B4GALT5: variants seen among roughly 807,000 people sequenced by gnomAD.
B4GALT5 encodes the protein beta-1,4-galactosyltransferase 5, also known as UDP-Gal:beta-GlcNAc beta-1,4-galactosyltransferase 5.
B4GALT5 carries 11 observed loss-of-function variants against 45.0 expected under a neutral mutation model. The ratio of observed to expected loss-of-function variants is 0.24; its 90% CI spans 0.15 to 0.40. The LOEUF is 0.40. Among genes scored for constraint, B4GALT5 ranks in the 10% least tolerant of loss-of-function variants. The probability of loss-of-function intolerance (pLI) is 1.00; values close to 1 mark genes in which losing one functional copy is unlikely to be tolerated. For missense variants in B4GALT5, 337 were observed against 500.2 expected, an observed-to-expected ratio of 0.67 and a Z score of 3.11; for synonymous variants, 185 against 182.9, an observed-to-expected ratio of 1.01 and a Z score of -0.09.
chr20:49,697,724 A>G (rs1568733687), intron 1 of B4GALT5, among the ~76,000 whole-genome samples: 1 of 152,178 alleles, frequency 6.6e-6, no homozygotes, highest in Non-Finnish European at 1.5e-5. Flanking sequence ...TTCTGTTTAG[A>G]GGAAGGGGGA....
intron 1 of B4GALT5, among the ~76,000 whole-genome samples, chr20:49,668,064 G>A (rs1470637477): frequency 2.0e-5 from 3 of 151,760 alleles, no homozygotes; most frequent in Non-Finnish European, 4.4e-5. Context: ...GGAGGAGGGG[G>A]GACACATACA....
chr20:49,697,115 C>G (rs1250006428), intron 1 of B4GALT5, among the ~76,000 whole-genome samples: 1 of 152,200 alleles, frequency 6.6e-6, no homozygotes, highest in South Asian at 2.1e-4. Flanking sequence ...GCCTCCTTAC[C>G]CTTCTAAGCT....
chr20:49,681,254 T>G (rs2085762946), intron 1 of B4GALT5, among the ~76,000 whole-genome samples: 1 of 126,842 alleles, frequency 7.9e-6, no homozygotes, highest in Non-Finnish European at 1.7e-5. Context: ...AAGAAGAACA[T>G]AGGTGGTAAA....
At chr20:49,647,451 T>G (rs1277406003) in intron 2 of B4GALT5, among the ~76,000 whole-genome samples, 2 of 152,236 alleles carry the variant, frequency 1.3e-5, no homozygotes, top group Non-Finnish European at 2.9e-5. Flanking sequence ...TATTCACCTC[T>G]GTCAGCCTCT....
chr20:49,678,028 G>A (rs1026230963), intron 1 of B4GALT5, among the ~76,000 whole-genome samples: 15 of 152,264 alleles, frequency 9.9e-5, no homozygotes, highest in African/African-American at 2.9e-4. Flanking sequence ...AATTATAGGC[G>A]TGAGTCATCA....
intron 1 of B4GALT5, among the ~76,000 whole-genome samples, chr20:49,660,028 A>C (rs139202334): frequency 1.3e-5 from 2 of 151,476 alleles, no homozygotes; most frequent in Admixed American, 1.3e-4. Context: ...TTCTCTCTCA[A>C]CCTTCCCCAG....
intron 1 of B4GALT5, among the ~76,000 whole-genome samples, chr20:49,686,969 A>C (rs2085788704): frequency 6.6e-6 from 1 of 152,188 alleles, no homozygotes. Flanking sequence ...TGAGTAACTC[A>C]AAATCCAATT....
intron 2 of B4GALT5, among the ~76,000 whole-genome samples, chr20:49,647,827 A>T (rs1195885399): frequency 2.0e-5 from 3 of 151,608 alleles, no homozygotes; most frequent in South Asian, 4.2e-4. Context: ...CTTCCATGCC[A>T]AATGTGCTTG....
At chr20:49,668,820 C>T (rs2085703442) in intron 1 of B4GALT5, among the ~76,000 whole-genome samples, 5 of 152,084 alleles carry the variant, frequency 3.3e-5, no homozygotes, top group Admixed American at 2.6e-4. Flanking sequence ...CCCACCCCCA[C>T]TGACACCTCC....
At position 49,633,533 on chromosome 20, in the gene B4GALT5, G is replaced by T. The variant is rs1378084786; in HGVS notation, c.*2779C>A. On this transcript the variant is annotated 3_prime_UTR_variant, in exon 9 of 9. Transcript: ENST00000371711. ...TGACATTTCCCATATGATATTCGAG[G>T]CCTGGTGGACACATGACTGACAGTG... The T allele has an allele frequency of 6.6e-6, 1 of 151,448 alleles. No homozygotes were observed. The highest frequency in any genetic ancestry group is 1.5e-5 in the Non-Finnish European group (1 of 67,986). 9.4% of individuals were successfully genotyped at this position (151,448 alleles called of 1,614,324 possible).
intron 1 of B4GALT5, among the ~76,000 whole-genome samples, chr20:49,657,608 T>C (rs139654223): frequency 2.5e-4 from 38 of 152,324 alleles, no homozygotes; most frequent in African/African-American, 8.2e-4. Flanking sequence ...GAAAGGGGGA[T>C]GTGTTACAGG....
At chr20:49,640,119 T>C (rs1349459077) in intron 6 of B4GALT5, among the ~76,000 whole-genome samples, 1 of 152,178 alleles carries the variant, frequency 6.6e-6, no homozygotes, top group Non-Finnish European at 1.5e-5. Flanking sequence ...CTTGCACCCA[T>C]TAGCAATCAC....
At chr20:49,697,525 A>G (rs1266595274) in intron 1 of B4GALT5, among the ~76,000 whole-genome samples, 3 of 151,524 alleles carry the variant, frequency 2.0e-5, no homozygotes, top group African/African-American at 7.3e-5. Context: ...GCCCATCTCT[A>G]TTCCAGTGGA....
intron 5 of B4GALT5, among the ~76,000 whole-genome samples, chr20:49,642,200 T>A (rs2085580051): frequency 6.6e-6 from 1 of 152,174 alleles, no homozygotes; most frequent in Non-Finnish European, 1.5e-5. Context: ...GTCTGGAGCC[T>A]GCAGGCACCA....
At chr20:49,663,690 A>AAAAAAAAAAAAAAATATAT (rs1555812124) in intron 1 of B4GALT5, among the ~76,000 whole-genome samples, 1 of 96,962 alleles carries the variant, frequency 1.0e-5, no homozygotes, top group African/African-American at 4.5e-5. Context: ...AAAAAAAAAA[A>AAAAAAAAAAAAAAATATAT]ATATATACAT....
At chr20:49,688,121 C>G (rs1185575498) in intron 1 of B4GALT5, among the ~76,000 whole-genome samples, 1 of 152,110 alleles carries the variant, frequency 6.6e-6, no homozygotes. Flanking sequence ...ACCAGCAGAG[C>G]TCATGGTAAT....
chr20:49,660,494 A>G (rs1891608179), intron 1 of B4GALT5, among the ~76,000 whole-genome samples: 1 of 152,232 alleles, frequency 6.6e-6, no homozygotes, highest in African/African-American at 2.4e-5. Context: ...TTACATGGTT[A>G]GGTAATCAAT....
chr20:49,649,592 A>G (rs2085612874), intron 2 of B4GALT5, among the ~76,000 whole-genome samples: 1 of 152,198 alleles, frequency 6.6e-6, no homozygotes, highest in East Asian at 1.9e-4. Flanking sequence ...AAAAAAACAA[A>G]AACAAAAACA....
At chr20:49,713,052 A>T (rs2085924713) in intron 1 of B4GALT5, among the ~76,000 whole-genome samples, 1 of 148,082 alleles carries the variant, frequency 6.8e-6, no homozygotes, top group African/African-American at 2.5e-5. Flanking sequence ...TCACGGGAGC[A>T]GGAAACGATG....
Sources: gnomAD v4.1 joint callset for allele counts (sites outside exome capture counted in the v4.1 genomes callset) on GRCh38, gnomAD v4.1.1 for gene constraint, MANE v1.5 for transcripts, NCBI Gene and HGNC (gene_info 2026-07-23, HGNC 2026-07-21) for gene names.